Variants in NOL10 observed in about 807,000 individuals in gnomAD.
The protein encoded by NOL10 is nucleolar protein 10.
In NOL10, 58 loss-of-function variants were observed where a neutral mutation model predicts 103.5. The ratio of observed to expected loss-of-function variants is 0.56; its 90% CI spans 0.45 to 0.70. The LOEUF (loss-of-function observed/expected upper bound fraction) is 0.70. Among genes scored for constraint, NOL10 ranks in the 30% least tolerant of loss-of-function variants. The pLI is 0.00. For synonymous variants in NOL10, 287 were observed against 282.5 expected, an observed-to-expected ratio of 1.02 and a Z score of -0.16; for missense variants, 763 against 807.3, an observed-to-expected ratio of 0.95 and a Z score of 0.67.
chr2:10,663,951 C>CA (rs76582435), intron 8 of NOL10, among the ~76,000 whole-genome samples: 201 of 117,160 alleles, frequency 1.7e-3, no homozygotes, highest in Middle Eastern at 5.1e-3. Context: ...ACTCCGTCTC[C>CA]AAAAAAAAAA....
chr2:10,633,541 C>T (rs1489531928), intron 13 of NOL10, among the ~76,000 whole-genome samples: 1 of 151,664 alleles, frequency 6.6e-6, no homozygotes, highest in Non-Finnish European at 1.5e-5. Context: ...ATAAGTTATT[C>T]CCCATTTATG....
chr2:10,598,429 G>C (rs563022402), intron 17 of NOL10, among the ~76,000 whole-genome samples: 1 of 152,212 alleles, frequency 6.6e-6, no homozygotes, highest in Non-Finnish European at 1.5e-5. Flanking sequence ...CAAATTTAAA[G>C]GGAGTTATAG....
At chr2:10,685,275 T>C (rs1682071973) in intron 1 of NOL10, among the ~76,000 whole-genome samples, 1 of 152,098 alleles carries the variant, frequency 6.6e-6, no homozygotes, top group Non-Finnish European at 1.5e-5. Context: ...AATCCCAGCA[T>C]TTTGGGAGGC....
At chr2:10,663,255 T>A (rs1175511450) in intron 8 of NOL10, among the ~76,000 whole-genome samples, 1 of 151,084 alleles carries the variant, frequency 6.6e-6, no homozygotes, top group Non-Finnish European at 1.5e-5. Flanking sequence ...TAATCCCAGC[T>A]ACTTGGGAGG....
intron 12 of NOL10, among the ~76,000 whole-genome samples, chr2:10,651,331 A>G (rs1302758840): frequency 6.6e-6 from 1 of 152,196 alleles, no homozygotes; most frequent in African/African-American, 2.4e-5. Context: ...TCAAGGGTTG[A>G]AGCTCTCCCA....
intron 13 of NOL10, chr2:10,622,217 C>T: frequency 2.1e-6 from 1 of 469,172 alleles, no homozygotes; most frequent in Non-Finnish European, 4.4e-6. Flanking sequence ...TATATCTACA[C>T]AACAAAACAC....
intron 20 of NOL10, among the ~76,000 whole-genome samples, chr2:10,576,763 T>C (rs1558263196): frequency 6.6e-6 from 1 of 152,188 alleles, no homozygotes; most frequent in Non-Finnish European, 1.5e-5. Flanking sequence ...TCTGGGGTGA[T>C]GAAAATGTTC....
chr2:10,620,527 T>C (rs1677084502), intron 13 of NOL10, among the ~76,000 whole-genome samples: 1 of 152,120 alleles, frequency 6.6e-6, no homozygotes, highest in African/African-American at 2.4e-5. Context: ...AAATAAGATT[T>C]CCCATATGTT....
intron 11 of NOL10, among the ~76,000 whole-genome samples, chr2:10,656,159 T>C (rs747467510): frequency 3.9e-5 from 6 of 152,228 alleles, no homozygotes; most frequent in Admixed American, 1.3e-4. Flanking sequence ...AACTTCTACT[T>C]TACCAGTGTT....
At chr2:10,633,594 G>A (rs556543558) in intron 13 of NOL10, among the ~76,000 whole-genome samples, 51 of 151,906 alleles carry the variant, frequency 3.4e-4, no homozygotes, top group Admixed American at 1.6e-3. Context: ...TGACTATTTG[G>A]TGATCTTTGT....
chr2:10,627,519 CA>C (rs1157665587), intron 13 of NOL10, among the ~76,000 whole-genome samples: 10 of 151,852 alleles, frequency 6.6e-5, no homozygotes, highest in African/African-American at 2.2e-4. Context: ...ACCAAAAATA[CA>C]AAAAATTAGT....
At chr2:10,615,146 TGTGA>T (rs772449404) in intron 13 of NOL10, among the ~76,000 whole-genome samples, 3 of 152,222 alleles carry the variant, frequency 2.0e-5, no homozygotes, top group Non-Finnish European at 4.4e-5. Flanking sequence ...CATGCATTTG[TGTGA>T]GTAATTATGA....
chr2:10,680,231 C>T (rs1681641681), intron 3 of NOL10, among the ~76,000 whole-genome samples: 1 of 151,584 alleles, frequency 6.6e-6, no homozygotes, highest in African/African-American at 2.4e-5. Flanking sequence ...CAGCCAAAAT[C>T]ATGCCACTGC....
chr2:10,597,642 A>G (rs1019363719), intron 17 of NOL10, among the ~76,000 whole-genome samples: 1 of 152,202 alleles, frequency 6.6e-6, no homozygotes. Flanking sequence ...ATATATAAAT[A>G]TTTCTGGAAT....
chr2:10,678,065 T>C (rs113465988), intron 3 of NOL10, among the ~76,000 whole-genome samples: 1 of 152,132 alleles, frequency 6.6e-6, no homozygotes, highest in East Asian at 1.9e-4. Flanking sequence ...TTTAATTTTT[T>C]TTAGAGACAG....
At chr2:10,689,539 A>C (rs923462603) in intron 1 of NOL10, among the ~76,000 whole-genome samples, 1 of 152,192 alleles carries the variant, frequency 6.6e-6, no homozygotes, top group African/African-American at 2.4e-5. Flanking sequence ...GGAACAGAGA[A>C]CTTTACAAAA....
At chr2:10,579,011 T>C (rs939727389) in intron 19 of NOL10, among the ~76,000 whole-genome samples, 1 of 152,186 alleles carries the variant, frequency 6.6e-6, no homozygotes, top group Non-Finnish European at 1.5e-5. Context: ...GAGTCTTTTT[T>C]TCCCTGAAAT....
intron 12 of NOL10, among the ~76,000 whole-genome samples, chr2:10,653,820 A>G (rs989090308): frequency 8.1e-6 from 1 of 122,746 alleles, no homozygotes; most frequent in African/African-American, 3.1e-5. Flanking sequence ...GTCACAGGGT[A>G]AAAGCTCTCT....
At chr2:10,577,770 T>C in intron 19 of NOL10, 32 bp from the exon 20 acceptor site, 1 of 1,391,580 alleles carries the variant, frequency 7.2e-7, no homozygotes, top group Non-Finnish European at 1.0e-6. Context: ...GCCACATTAA[T>C]CAAAATTATG....
Sources: gnomAD v4.1 joint callset for allele counts (sites outside exome capture counted in the v4.1 genomes callset) on GRCh38, gnomAD v4.1.1 for gene constraint, MANE v1.5 for transcripts, NCBI Gene and HGNC (gene_info 2026-07-23, HGNC 2026-07-21) for gene names.